Variants in PPM1F observed in about 807,000 individuals in gnomAD.
PPM1F encodes protein phosphatase, Mg2+/Mn2+ dependent 1F.
PPM1F carries 17 observed loss-of-function variants against 35.5 expected under a neutral mutation model. The ratio of observed to expected loss-of-function variants is 0.48; its 90% CI spans 0.33 to 0.72. The LOEUF (loss-of-function observed/expected upper bound fraction) is 0.72, where lower values mean the gene tolerates loss of function less well. Among genes scored for constraint, PPM1F ranks in the 30% least tolerant of loss-of-function variants. The pLI is 0.02. For missense variants in PPM1F, 521 were observed against 613.0 expected, an observed-to-expected ratio of 0.85 and a Z score of 1.59; for synonymous variants, 241 against 255.5, an observed-to-expected ratio of 0.94 and a Z score of 0.54.
chr22:21,923,813 G>C (rs527612959), intron 7 of PPM1F, among the ~76,000 whole-genome samples: 2 of 151,756 alleles, frequency 1.3e-5, no homozygotes, highest in East Asian at 3.9e-4. Flanking sequence ...GAGTAGCTGG[G>C]ATTACAGGCT....
chr22:21,920,057 C>T lies in PPM1F; in HGVS notation c.*3035G>A, dbSNP rs2070429730. On this transcript the variant is annotated 3_prime_UTR_variant, in exon 8 of 8. Coordinates refer to ENST00000263212, the MANE Select transcript of PPM1F (RefSeq NM_014634.4). ...CTCAGAGTCAGCCACACCTGTAAGG[C>T]AGGCCCTGCTTCCCCAGCTTTTGTA... 1 of 152,312 alleles carries T rather than the reference C, an allele frequency of 6.6e-6. No homozygotes were observed. Among genetic ancestry groups the T allele is most frequent in the South Asian group, 2.1e-4 (1 of 4,838 alleles). The allele number at this position is 152,312 out of a possible 1,614,324, so 9.4% of individuals were successfully genotyped here. A position where few individuals can be genotyped will look rare whatever the true frequency, so the allele number is the denominator to read the frequency against.
rs2070450898 is a variant in PPM1F at position 21,921,806 on chromosome 22, A to C, written c.*1286T>G. The C allele has an allele frequency of 6.6e-6, 1 of 152,230 alleles. No individual in the cohort carries two copies. Among genetic ancestry groups the C allele is most frequent in the South Asian group, 2.1e-4 (1 of 4,838 alleles). 9.4% of individuals were successfully genotyped at this position (152,230 alleles called of 1,614,324 possible). ...ATTACAAATTCACAAGATATTTGGG[A>C]ATGTTCCAATCACACAGCAGCAAGG... On this transcript the variant is annotated 3_prime_UTR_variant, in exon 8 of 8. Coordinates refer to ENST00000263212, the MANE Select transcript of PPM1F (RefSeq NM_014634.4).
chr22:21,922,849 C>A lies in PPM1F; in HGVS notation c.*243G>T. 1 of 519,824 alleles carries A rather than the reference C, an allele frequency of 1.9e-6. No individual in the cohort carries two copies. Among genetic ancestry groups the A allele is most frequent in the South Asian group, 3.0e-5 (1 of 33,470 alleles). 32.2% of individuals were successfully genotyped at this position (519,824 alleles called of 1,614,324 possible). A position where few individuals can be genotyped will look rare whatever the true frequency, so the allele number is the denominator to read the frequency against. On this transcript the variant is annotated 3_prime_UTR_variant, in exon 8 of 8. Transcript: ENST00000263212. ...GCCTAATAGGAGCTGGGAGCAAGAG[C>A]CGGTCCATCTTCTCTTTGGTGAGGT... is the stretch of plus-strand genomic sequence containing the variant.
chr22:21,951,849 A>G (rs1025483061), intron 1 of PPM1F: 1 of 152,284 alleles, frequency 6.6e-6, no homozygotes, highest in Non-Finnish European at 1.5e-5. Context: ...AGCGAACTCA[A>G]TCAAGGTCTC....
intron 2 of PPM1F, chr22:21,941,443 C>T (rs769347345): frequency 6.6e-6 from 1 of 152,334 alleles, no homozygotes; most frequent in Non-Finnish European, 1.5e-5. Flanking sequence ...AACTAGAAGG[C>T]TCGTGGTACA....
chr22:21,929,091 G>A (rs1359967573), intron 6 of PPM1F, among the ~76,000 whole-genome samples: 2 of 152,150 alleles, frequency 1.3e-5, no homozygotes, highest in Non-Finnish European at 2.9e-5. Context: ...CTGGACCCCC[G>A]TTGAAGCTCG....
intron 5 of PPM1F, among the ~76,000 whole-genome samples, 173 bp from the exon 6 acceptor site, chr22:21,931,464 C>T (rs564644137): frequency 1.2e-4 from 19 of 152,276 alleles, no homozygotes; most frequent in Non-Finnish European, 2.5e-4. Flanking sequence ...TTCAAATATG[C>T]ACCACTTACT....
At chr22:21,948,323 C>A (rs2070799844) in intron 1 of PPM1F, 1 of 135,786 alleles carries the variant, frequency 7.4e-6, no homozygotes, top group Non-Finnish European at 1.6e-5. Flanking sequence ...CCCCCCATCT[C>A]TACCAAAAAA....
At position 21,922,748 on chromosome 22, in the gene PPM1F, A is replaced by T. The variant is rs567602235; in HGVS notation, c.*344T>A. The T allele has an allele frequency of 4.0e-5, 9 of 222,792 alleles. No individual in the cohort carries two copies. Among genetic ancestry groups the T allele is most frequent in the African/African-American group, 1.4e-4 (6 of 44,178 alleles). 13.8% of individuals were successfully genotyped at this position (222,792 alleles called of 1,614,324 possible). On this transcript the variant is annotated 3_prime_UTR_variant, in exon 8 of 8. Coordinates refer to ENST00000263212, the MANE Select transcript of PPM1F (RefSeq NM_014634.4). The stretch of plus-strand genomic sequence containing the variant: ...TCCGCCCCAGGGTCCCACGTGCACA[A>T]CCATGCTGCCCCATGCACACCAGTG...
At chr22:21,937,259 C>A (rs1190669440) in intron 3 of PPM1F, 1 of 152,542 alleles carries the variant, frequency 6.6e-6, no homozygotes, top group Non-Finnish European at 1.5e-5. Context: ...AGGGGGCCAC[C>A]GAGGAAGAAC....
Position 21,927,938 on chromosome 22 carries a change from TTTTG to T in PPM1F, c.892-2280_892-2277del, listed in dbSNP as rs1319562347. Among the ~76,000 whole-genome samples the T allele has an allele frequency of 1.3e-3, 155 of 123,636 alleles. 6 individuals are homozygous for T. The highest frequency in any genetic ancestry group is 4.8e-3 in the African/African-American group (143 of 29,676). 81.1% of individuals were successfully genotyped at this position (123,636 alleles called of 152,430 possible). ...CACTGATTCTTGATTCTGTTTTTTG[TTTTG>T]TTTTTTTTTTTTTTTTTTTTTTTTT... On this transcript the variant is annotated intron_variant, in intron 6 of 7. Transcript: ENST00000263212.
At position 21,939,788 on chromosome 22, in the gene PPM1F, C is replaced by A; in HGVS notation, c.207-108G>T. ...TGCTGAGGGGTCACGGCCAGCAGGG[C>A]GGCCCCTGTCCTCAGGGAGCTGGGA... On this transcript the variant is annotated intron_variant, in intron 2 of 7. Coordinates refer to ENST00000263212, the MANE Select transcript of PPM1F (RefSeq NM_014634.4). This position sits in a 1 kb window ranked among gnomAD's most constrained non-coding sequence, Gnocchi z 5.1. 7.5e-7 allele frequency: 1 copy of A among 1,326,444 alleles called. No individual in the cohort carries two copies. The highest frequency in any genetic ancestry group is 1.0e-6 in the Non-Finnish European group (1 of 969,382). The allele number at this position is 1,326,444 out of a possible 1,614,324, so 82.2% of individuals were successfully genotyped here.
At chr22:21,936,258 A>C (rs961794868) in intron 3 of PPM1F, 3 of 152,116 alleles carry the variant, frequency 2.0e-5, no homozygotes, top group African/African-American at 7.2e-5. Context: ...AAAGAAGGAA[A>C]ATTACATATG....
chr22:21,928,143 T>A (rs2070543076), intron 6 of PPM1F, among the ~76,000 whole-genome samples: 1 of 151,970 alleles, frequency 6.6e-6, no homozygotes, highest in African/African-American at 2.4e-5. Context: ...CCTCTCCACC[T>A]GCCTGAAACA....
intron 6 of PPM1F, among the ~76,000 whole-genome samples, chr22:21,930,420 T>C (rs1268295297): frequency 2.6e-5 from 4 of 152,170 alleles, no homozygotes; most frequent in African/African-American, 9.7e-5. Flanking sequence ...AGATGCATTG[T>C]TTTTAGCACC....
chr22:21,942,268 AT>A (rs574812447), intron 2 of PPM1F: 4,692 of 139,574 alleles, frequency 0.034, 131 homozygotes, highest in African/African-American at 0.083. Flanking sequence ...TGGATTCCTG[AT>A]TTTTTTTTTT....
At chr22:21,930,336 C>G (rs1012052131) in intron 6 of PPM1F, among the ~76,000 whole-genome samples, 2 of 152,174 alleles carry the variant, frequency 1.3e-5, no homozygotes, top group Non-Finnish European at 2.9e-5. Context: ...CCTAGCCATC[C>G]CACTTCTGGG....
At chr22:21,923,933 C>T (rs2070479567) in intron 7 of PPM1F, among the ~76,000 whole-genome samples, 1 of 151,698 alleles carries the variant, frequency 6.6e-6, no homozygotes, top group Non-Finnish European at 1.5e-5. Context: ...TGTGATCTGC[C>T]CACCTCAGCC....
intron 1 of PPM1F, 128 bp downstream of exon 1, chr22:21,952,664 T>TC (rs2070853404): frequency 6.6e-6 from 1 of 151,352 alleles, no homozygotes; most frequent in Non-Finnish European, 1.5e-5. Flanking sequence ...CCTCCTTGCC[T>TC]CCCCAGCCCT....
Sources: gnomAD v4.1 joint callset for allele counts (sites outside exome capture counted in the v4.1 genomes callset) on GRCh38, gnomAD v4.1.1 for gene constraint, Gnocchi (gnomAD v3.1) non-coding constraint, MANE v1.5 for transcripts, NCBI Gene and HGNC (gene_info 2026-07-23, HGNC 2026-07-21) for gene names.